Variants in PAPPA2 observed in about 807,000 individuals in gnomAD.
PAPPA2 encodes the protein pappalysin-2.
PAPPA2 carries 86 observed loss-of-function variants against 176.4 expected under a neutral mutation model. That is an observed-to-expected ratio of 0.49 (90% CI 0.41 to 0.58). The LOEUF (loss-of-function observed/expected upper bound fraction) is 0.58, where lower values mean the gene tolerates loss of function less well. PAPPA2 is among the 20% of genes least tolerant of loss of function. The pLI is 0.00. For missense variants in PAPPA2, 2,073 were observed against 2,256.9 expected (o/e 0.92, Z 1.65); for synonymous variants, 809 against 852.2 (o/e 0.95, Z 0.88).
intron 21 of PAPPA2, among the ~76,000 whole-genome samples, chr1:176,820,573 G>A (rs1666619694): frequency 6.6e-6 from 1 of 152,246 alleles, no homozygotes; most frequent in South Asian, 2.1e-4. Flanking sequence ...GAGAACAGAT[G>A]TTGCTGCCCA....
At chr1:176,566,821 C>T (rs1426632944) in intron 2 of PAPPA2, among the ~76,000 whole-genome samples, 1 of 152,086 alleles carries the variant, frequency 6.6e-6, no homozygotes, top group Non-Finnish European at 1.5e-5. Context: ...GGTCTGACTC[C>T]TCTTTCCTCT....
intron 1 of PAPPA2, among the ~76,000 whole-genome samples, chr1:176,478,556 G>T (rs1652244714): frequency 2.0e-5 from 3 of 152,238 alleles, no homozygotes; most frequent in Admixed American, 1.3e-4. Flanking sequence ...CCTCATGATA[G>T]TTACTGGCAT....
At chr1:176,573,733 C>T (rs1413237993) in intron 2 of PAPPA2, among the ~76,000 whole-genome samples, 2 of 152,148 alleles carry the variant, frequency 1.3e-5, no homozygotes, top group Non-Finnish European at 2.9e-5. Context: ...AAAGTAATGA[C>T]TCTAGAGAAA....
At chr1:176,657,592 T>C (rs965291948) in intron 3 of PAPPA2, among the ~76,000 whole-genome samples, 1 of 151,932 alleles carries the variant, frequency 6.6e-6, no homozygotes, top group African/African-American at 2.4e-5. Flanking sequence ...TGACAATTAA[T>C]TGAATGTGGT....
At chr1:176,663,896 G>A (rs926540414) in intron 3 of PAPPA2, among the ~76,000 whole-genome samples, 5 of 152,046 alleles carry the variant, frequency 3.3e-5, no homozygotes, top group African/African-American at 7.2e-5. Context: ...TGTATGTGAC[G>A]AGTTATCTAT....
At chr1:176,476,792 G>A (rs1489437424) in intron 1 of PAPPA2, among the ~76,000 whole-genome samples, 1 of 152,216 alleles carries the variant, frequency 6.6e-6, no homozygotes, top group Non-Finnish European at 1.5e-5. Context: ...TTATGATTCT[G>A]TATGTATAGG....
chr1:176,586,428 T>A (rs1653312961), intron 2 of PAPPA2, among the ~76,000 whole-genome samples: 1 of 152,044 alleles, frequency 6.6e-6, no homozygotes, highest in African/African-American at 2.4e-5. Flanking sequence ...ACCCATCCTC[T>A]AAGTTCCCCT....
In PAPPA2 at chr1:176,716,584, T is replaced by C. The variant is rs1392097972; in HGVS notation, c.3798+4603T>C. On this transcript the variant is annotated intron_variant, in intron 12 of 22. Coordinates refer to ENST00000367662, the MANE Select transcript of PAPPA2 (RefSeq NM_020318.3). The stretch of plus-strand genomic sequence containing the variant: ...TTAAGAAAGTTTGTGTCTTCTAGAT[T>C]ACAACAATTCCTTCCTTCTTTTTTT... Among the ~76,000 whole-genome samples the C allele has an allele frequency of 2.7e-5, 4 of 148,782 alleles. No homozygotes were observed. In the East Asian group the frequency reaches 7.9e-4, roughly 30 times the overall value.
intron 12 of PAPPA2, among the ~76,000 whole-genome samples, chr1:176,735,677 AATCTATCTATCTATCTATCT>A (rs55758426): frequency 0.034 from 4,857 of 144,368 alleles, 105 homozygotes; most frequent in Non-Finnish European, 0.042. Context: ...CATCTCTCAG[AATCTATCTATCTATCTATCT>A]ATCTATCTAT....
intron 3 of PAPPA2, among the ~76,000 whole-genome samples, chr1:176,603,839 A>G (rs1446188207): frequency 2.0e-5 from 3 of 152,132 alleles, no homozygotes; most frequent in South Asian, 4.1e-4. Context: ...TCTATTTTTA[A>G]CATAGCAATC....
intron 1 of PAPPA2, among the ~76,000 whole-genome samples, chr1:176,480,256 GCCTCCCCAGCT>G (rs1250331547): frequency 6.6e-6 from 1 of 152,168 alleles, no homozygotes; most frequent in Non-Finnish European, 1.5e-5. Flanking sequence ...AAGTCTCTAT[GCCTCCCCAGCT>G]CCTGGGGCAC....
intron 1 of PAPPA2, among the ~76,000 whole-genome samples, chr1:176,545,360 C>G (rs1050397510): frequency 6.6e-6 from 1 of 151,772 alleles, no homozygotes; most frequent in Non-Finnish European, 1.5e-5. Flanking sequence ...CAAATATAGT[C>G]GCCTTCTCTC....
chr1:176,765,318 A>G (rs561432647), intron 14 of PAPPA2, among the ~76,000 whole-genome samples: 42 of 152,140 alleles, frequency 2.8e-4, no homozygotes, highest in African/African-American at 9.9e-4. Context: ...TTGGGACCCA[A>G]CAGTACTGGT....
intron 3 of PAPPA2, among the ~76,000 whole-genome samples, chr1:176,645,686 T>G (rs1284149594): frequency 6.6e-6 from 1 of 151,792 alleles, no homozygotes; most frequent in Non-Finnish European, 1.5e-5. Flanking sequence ...TCATAATGAC[T>G]GTACTAATTT....
chr1:176,556,002 C>G lies in PAPPA2; in HGVS notation c.-321C>G. On this transcript the variant is annotated 5_prime_UTR_variant, in exon 2 of 23. Transcript: ENST00000367662. ...AAAAAAAGAAAGAAATCTGAGCTTT[C>G]TGGGAGGAAATTCAAAGGAACCAAG... is the stretch of plus-strand genomic sequence containing the variant. 1 of 274,454 alleles carries G rather than the reference C, an allele frequency of 3.6e-6. No homozygotes were observed. The highest frequency in any genetic ancestry group is 6.8e-6 in the Non-Finnish European group (1 of 146,312). The allele number at this position is 274,454 out of a possible 1,614,324, so 17.0% of individuals were successfully genotyped here.
rs1448309117 is a variant in PAPPA2 at position 176,562,800 on chromosome 1, T to C, written c.919+5559T>C. Among the ~76,000 whole-genome samples the C allele has an allele frequency of 1.3e-5, 2 of 152,228 alleles. 1 individual carries two copies. ...TAGCATCTTTGTGTAGAAGGTTTTATCATGTGGCTATATGGCCCTCAAGAA... is the reference window on the plus strand; with the variant it reads ...TAGCATCTTTGTGTAGAAGGTTTTACCATGTGGCTATATGGCCCTCAAGAA... On this transcript the variant is annotated intron_variant, in intron 2 of 22. Coordinates refer to ENST00000367662, the MANE Select transcript of PAPPA2 (RefSeq NM_020318.3).
intron 4 of PAPPA2, among the ~76,000 whole-genome samples, 170 bp downstream of exon 4, chr1:176,671,285 A>C (rs1658983393): frequency 6.6e-6 from 1 of 152,238 alleles, no homozygotes; most frequent in African/African-American, 2.4e-5. Flanking sequence ...AAAATGTTTC[A>C]ATATAGACAA....
intron 1 of PAPPA2, among the ~76,000 whole-genome samples, chr1:176,545,071 C>G (rs1478126129): frequency 6.6e-6 from 1 of 152,086 alleles, no homozygotes; most frequent in Non-Finnish European, 1.5e-5. Flanking sequence ...AAATCATTAG[C>G]CGTTGGTGAT....
intron 1 of PAPPA2, among the ~76,000 whole-genome samples, chr1:176,522,582 C>T (rs1049824316): frequency 1.3e-5 from 2 of 152,226 alleles, no homozygotes; most frequent in African/African-American, 4.8e-5. Context: ...CTTCCACTCT[C>T]TGCCCTACTC....
Sources: allele counts gnomAD v4.1 joint callset (sites outside exome capture counted in the v4.1 genomes callset), GRCh38; gene constraint gnomAD v4.1.1; transcripts MANE v1.5; gene names NCBI Gene and HGNC (gene_info 2026-07-23, HGNC 2026-07-21).